STXBP3: variants seen among roughly 807,000 people sequenced by gnomAD.
The protein encoded by STXBP3 is syntaxin-binding protein 3.
Under a neutral mutation model 85.7 loss-of-function variants are expected in STXBP3, and 41 were observed. The ratio of observed to expected loss-of-function variants is 0.48; its 90% CI spans 0.37 to 0.62. STXBP3 has a LOEUF of 0.62. Ranked by LOEUF, STXBP3 falls within the 20% of genes least tolerant of loss-of-function variation. STXBP3 has a pLI of 0.00. For missense variants in STXBP3, 563 were observed against 703.1 expected, an observed-to-expected ratio of 0.80 and a Z score of 2.25; for synonymous variants, 229 against 231.7, an observed-to-expected ratio of 0.99 and a Z score of 0.10.
intron 11 of STXBP3, among the ~76,000 whole-genome samples, chr1:108,790,680 A>C (rs1039867186): frequency 7.2e-5 from 11 of 151,866 alleles, no homozygotes; most frequent in Non-Finnish European, 1.5e-4. Flanking sequence ...ATTCCATTTC[A>C]TCTCCAATAT....
At chr1:108,750,974 T>C (rs61797294) in intron 1 of STXBP3, among the ~76,000 whole-genome samples, 7,461 of 152,300 alleles carry the variant, frequency 0.049, 226 homozygotes, top group Admixed American at 0.072. Flanking sequence ...GGTGCTTCTA[T>C]CCACATGGAG....
At chr1:108,760,110 T>C in intron 6 of STXBP3, 25 bp downstream of exon 6, 1 of 1,435,360 alleles carries the variant, frequency 7.0e-7, no homozygotes, top group South Asian at 1.3e-5. Context: ...TATTTTTTAG[T>C]TCATGAGAGG....
intron 12 of STXBP3, 72 bp downstream of exon 12, chr1:108,793,719 C>A (rs1663027554): frequency 1.5e-6 from 2 of 1,341,912 alleles, no homozygotes; most frequent in Admixed American, 1.9e-5. Context: ...TTCTGTAGTT[C>A]GATTTAGCAG....
rs558762894 is a variant in STXBP3, at chr1:108,800,327, C to G, written c.1535+22C>G. On this transcript the variant is annotated intron_variant, in intron 17 of 18. Transcript: ENST00000370008. ...TAAGGTAAATTCTACAAGTGAAAAT[C>G]AATGAAATTTTCATTCTACGGACTA... 10 of 1,547,578 alleles carry G rather than the reference C, an allele frequency of 6.5e-6. No individual in the cohort carries two copies. In the Admixed American group the frequency reaches 1.2e-4, roughly 19 times the overall value.
At chr1:108,758,262 CCTTA>C (rs1310679836) in intron 4 of STXBP3, among the ~76,000 whole-genome samples, 2 of 139,064 alleles carry the variant, frequency 1.4e-5, no homozygotes, top group Middle Eastern at 3.4e-3. Flanking sequence ...ATACATATTA[CCTTA>C]CTCTTTTTTT....
intron 11 of STXBP3, among the ~76,000 whole-genome samples, chr1:108,787,133 C>T (rs1662848986): frequency 6.6e-6 from 1 of 151,888 alleles, no homozygotes; most frequent in African/African-American, 2.4e-5. Flanking sequence ...AATTCTAGTA[C>T]TTTGTTTATA....
At chr1:108,753,733 TGAG>T (rs1661957565) in intron 3 of STXBP3, among the ~76,000 whole-genome samples, 1 of 152,166 alleles carries the variant, frequency 6.6e-6, no homozygotes, top group African/African-American at 2.4e-5. Flanking sequence ...TATTACCTAT[TGAG>T]GAAAATACCA....
chr1:108,788,615 T>C (rs759502005), intron 11 of STXBP3, among the ~76,000 whole-genome samples: 6 of 152,154 alleles, frequency 3.9e-5, no homozygotes, highest in Non-Finnish European at 7.3e-5. Flanking sequence ...TTTTCTTCAT[T>C]AGTTTTGGGA....
At chr1:108,782,761 T>C in intron 11 of STXBP3, 55 bp downstream of exon 11, 1 of 1,448,166 alleles carries the variant, frequency 6.9e-7, no homozygotes, top group Non-Finnish European at 9.4e-7. Context: ...TTAAAGTTTG[T>C]TTAAAATCTT....
chr1:108,801,454 T>C (rs1173045373), intron 17 of STXBP3, among the ~76,000 whole-genome samples: 3 of 152,150 alleles, frequency 2.0e-5, no homozygotes. Flanking sequence ...GCCACTGATG[T>C]CCTTGTTGAG....
chr1:108,779,229 CTA>C (rs1306795325), intron 8 of STXBP3, 55 bp from the exon 9 acceptor site: 40 of 1,553,588 alleles, frequency 2.6e-5, no homozygotes, highest in Non-Finnish European at 3.1e-5. Flanking sequence ...GATATTAAAA[CTA>C]TGTTCACACT....
chr1:108,759,960 A>G, intron 5 of STXBP3, 25 bp from the exon 6 acceptor site: 2 of 1,371,342 alleles, frequency 1.5e-6, no homozygotes, highest in Non-Finnish European at 2.0e-6. Flanking sequence ...ATGTAACTAT[A>G]TGCTTTGTTT....
rs948723780 is a variant in STXBP3 at position 108,793,625 on chromosome 1, A to G, written c.1007A>G (p.His336Arg). ...ALTQLMKKMP[H>R]FRKQITKQVV... is the part of the protein sequence containing the mutation. ...ACCCAGCTGATGAAAAAGATGCCCC[A>G]TTTCCGAAAACAGATTACTAAGGTA... Residue 336 changes from histidine (H) to arginine (R), a missense_variant, in exon 12 of 19, where the codon CAT becomes CGT. Transcript: ENST00000370008. 3 of 1,612,024 alleles carry G rather than the reference A, an allele frequency of 1.9e-6. No individual in the cohort carries two copies. Among genetic ancestry groups the G allele is most frequent in the African/African-American group, 2.7e-5 (2 of 74,836 alleles).
At chr1:108,775,632 T>C (rs1157311808) in intron 7 of STXBP3, among the ~76,000 whole-genome samples, 1 of 152,030 alleles carries the variant, frequency 6.6e-6, no homozygotes, top group African/African-American at 2.4e-5. Flanking sequence ...CATTTTTAGC[T>C]CCCGGAAGCA....
At chr1:108,780,764 C>CTT (rs36126153) in intron 9 of STXBP3, 95,588 of 136,860 alleles carry the variant, frequency 0.7, 34,343 homozygotes, top group Non-Finnish European at 0.77. Flanking sequence ...TTTAAATTTA[C>CTT]TTTTTTTTTT....
intron 6 of STXBP3, among the ~76,000 whole-genome samples, 182 bp downstream of exon 6, chr1:108,760,267 A>G (rs1239414446): frequency 6.6e-6 from 1 of 152,200 alleles, no homozygotes; most frequent in Non-Finnish European, 1.5e-5. Context: ...GGAATTAAAA[A>G]TGAATAGCAG....
chr1:108,793,904 T>G (rs1413548766), intron 12 of STXBP3, among the ~76,000 whole-genome samples: 1 of 152,082 alleles, frequency 6.6e-6, no homozygotes, highest in African/African-American at 2.4e-5. Context: ...AGAGTCACAT[T>G]TATCAACCTT....
At chr1:108,778,416 C>G (rs1662634387) in intron 8 of STXBP3, among the ~76,000 whole-genome samples, 1 of 152,134 alleles carries the variant, frequency 6.6e-6, no homozygotes, top group South Asian at 2.1e-4. Context: ...GATTTATCAT[C>G]TTAGTTGGTA....
chr1:108,795,946 A>G (rs1404380473), intron 13 of STXBP3, among the ~76,000 whole-genome samples: 1 of 135,526 alleles, frequency 7.4e-6, no homozygotes, highest in South Asian at 2.5e-4. Flanking sequence ...GCTCACTGCA[A>G]CCTCTGCCCA....
Sources: allele counts gnomAD v4.1 joint callset (sites outside exome capture counted in the v4.1 genomes callset), GRCh38; gene constraint gnomAD v4.1.1; transcripts MANE v1.5; gene names NCBI Gene and HGNC (gene_info 2026-07-23, HGNC 2026-07-21).